Variants in UBE3D observed in about 807,000 individuals in gnomAD.
The protein encoded by UBE3D is E3 ubiquitin-protein ligase E3D.
A neutral mutation model predicts 49.6 loss-of-function variants in UBE3D; 48 were observed. The observed-to-expected ratio is 0.97, with a 90% CI of 0.77 to 1.23. The LOEUF (loss-of-function observed/expected upper bound fraction) is 1.23, where lower values mean the gene tolerates loss of function less well. Ranked by LOEUF, UBE3D falls within the 50% of genes most tolerant of loss-of-function variation. The pLI is 0.00. For missense variants in UBE3D, 452 were observed against 468.4 expected (o/e 0.96, Z 0.32); for synonymous variants, 189 against 174.2 (o/e 1.08, Z -0.67).
At chr6:82,893,160 C>T in intron 9 of UBE3D, 118 bp from the exon 10 acceptor site, 1 of 1,192,452 alleles carries the variant, frequency 8.4e-7, no homozygotes, top group Admixed American at 1.9e-5. Context: ...CTTGTTTAAA[C>T]AGAAAAATGA....
chr6:82,884,607 A>C, the UBE3D span, among the ~76,000 whole-genome samples: 1 of 152,210 alleles, frequency 6.6e-6, no homozygotes, highest in African/African-American at 2.4e-5. Flanking sequence ...AATTCATTTC[A>C]ACAATGTGTT....
chr6:82,898,010 T>G (rs1349840462), intron 9 of UBE3D, among the ~76,000 whole-genome samples: 1 of 152,130 alleles, frequency 6.6e-6, no homozygotes, highest in African/African-American at 2.4e-5. Flanking sequence ...CATCAAAAAG[T>G]GGGCGAAGGA....
chr6:82,885,117 C>T, the UBE3D span, among the ~76,000 whole-genome samples: 1 of 151,452 alleles, frequency 6.6e-6, no homozygotes, highest in East Asian at 1.9e-4. Context: ...CTATGTATTC[C>T]GTTGTATCTT....
chr6:82,977,606 G>A (rs1219935791), intron 8 of UBE3D, among the ~76,000 whole-genome samples: 3 of 152,154 alleles, frequency 2.0e-5, no homozygotes, highest in African/African-American at 7.2e-5. Context: ...GGGAGGCCGA[G>A]GCAGGTGCAT....
At chr6:82,955,742 C>T (rs540850097) in intron 9 of UBE3D, among the ~76,000 whole-genome samples, 2 of 152,328 alleles carry the variant, frequency 1.3e-5, no homozygotes, top group East Asian at 3.9e-4. Context: ...ACTCCACCCC[C>T]AGGACCTTAG....
rs889218028 is a variant in UBE3D at position 82,957,617 on chromosome 6, G to T, written c.1011-167C>A. On this transcript the variant is annotated intron_variant, in intron 8 of 9. Transcript: ENST00000369747. The stretch of plus-strand genomic sequence containing the variant: ...AGAACATGTCCAAGACGTTTTTATG[G>T]TGTTGTTGATATAAAGCAGATGGAT... Among the ~76,000 whole-genome samples, 13 of 152,300 alleles carry T rather than the reference G, an allele frequency of 8.5e-5. No homozygotes were observed. In the East Asian group the frequency reaches 1.7e-3, roughly 20 times the overall value.
At chr6:83,016,436 G>C (rs1423292705) in intron 8 of UBE3D, among the ~76,000 whole-genome samples, 2 of 151,974 alleles carry the variant, frequency 1.3e-5, no homozygotes, top group African/African-American at 2.4e-5. Context: ...ATCAGAAGTA[G>C]AGTCCTTAGC....
At chr6:83,044,345 A>G in intron 4 of UBE3D, 83 bp downstream of exon 4, 1 of 1,341,868 alleles carries the variant, frequency 7.5e-7, no homozygotes, top group Non-Finnish European at 1.0e-6. Context: ...TCTATGTAAC[A>G]AGCCCTTAAT....
intron 1 of UBE3D, among the ~76,000 whole-genome samples, chr6:83,059,219 AAAAAAAT>A (rs1784009220): frequency 6.6e-6 from 1 of 152,026 alleles, no homozygotes; most frequent in South Asian, 2.1e-4. Context: ...CTGGCTCTAC[AAAAAAAT>A]AAAAAATAAA....
chr6:82,987,900 A>C (rs1304600210), intron 8 of UBE3D, among the ~76,000 whole-genome samples: 4 of 152,252 alleles, frequency 2.6e-5, no homozygotes, highest in African/African-American at 9.6e-5. Flanking sequence ...AAAACGAATG[A>C]ATAAATGACA....
In UBE3D at chr6:83,034,945, G is replaced by A. The variant is rs187315849; in HGVS notation, c.667+3471C>T. ...TGCCTGTAATCCCAGCACTTGGAAG[G>A]CTGAGGCAGGAGGATCACTTGAGTC... On this transcript the variant is annotated intron_variant, in intron 5 of 9. Coordinates refer to ENST00000369747, the MANE Select transcript of UBE3D (RefSeq NM_198920.3). 5.7e-4 allele frequency among the ~76,000 whole-genome samples: 87 copies of A among 152,200 alleles called. No homozygotes were observed. In the East Asian group the frequency reaches 0.015, roughly 27 times the overall value.
Position 82,920,714 on chromosome 6 carries a change from T to G in UBE3D, c.1150-27672A>C, listed in dbSNP as rs189988716. ...ATCAACCCAAAATGTTAGCCACTGC[T>G]ACTTTTTCACTTATTTCCTTTCTCT... is the stretch of plus-strand genomic sequence containing the variant. On this transcript the variant is annotated intron_variant, in intron 9 of 9. Transcript: ENST00000369747. Among the ~76,000 whole-genome samples the G allele has an allele frequency of 3.4e-3, 513 of 152,346 alleles. 9 individuals are homozygous for G. The highest frequency in any genetic ancestry group is 6.6e-4 in the Non-Finnish European group (45 of 68,022).
chr6:82,927,344 A>G (rs991133064), intron 9 of UBE3D, among the ~76,000 whole-genome samples: 2 of 150,976 alleles, frequency 1.3e-5, no homozygotes, highest in Non-Finnish European at 3.0e-5. Flanking sequence ...TAGTTGGGGT[A>G]TTTTGCCTCT....
chr6:83,026,184 A>G (rs1010605324), intron 5 of UBE3D, among the ~76,000 whole-genome samples: 1 of 152,050 alleles, frequency 6.6e-6, no homozygotes, highest in African/African-American at 2.4e-5. Context: ...ACAGTGGCTC[A>G]TACTTAATCC....
intron 9 of UBE3D, among the ~76,000 whole-genome samples, chr6:82,919,890 C>G (rs990558108): frequency 6.6e-6 from 1 of 152,128 alleles, no homozygotes; most frequent in Non-Finnish European, 1.5e-5. Flanking sequence ...GTGGTTTCGA[C>G]ATCTATCCCA....
At chr6:82,981,596 C>T (rs1278451158) in intron 8 of UBE3D, among the ~76,000 whole-genome samples, 1 of 151,930 alleles carries the variant, frequency 6.6e-6, no homozygotes, top group Non-Finnish European at 1.5e-5. Context: ...CTGTACTGAA[C>T]TCCTAGTACT....
chr6:82,912,936 T>G (rs1256909174), intron 9 of UBE3D, among the ~76,000 whole-genome samples: 1 of 152,190 alleles, frequency 6.6e-6, no homozygotes. Flanking sequence ...TCATACATGG[T>G]ATTCACCTGC....
chr6:82,939,235 C>G (rs1375094954), intron 9 of UBE3D, among the ~76,000 whole-genome samples: 1 of 152,178 alleles, frequency 6.6e-6, no homozygotes, highest in Non-Finnish European at 1.5e-5. Flanking sequence ...AGGCCTTGCC[C>G]CTAGGCCTTC....
At chr6:82,932,236 T>A (rs1480709380) in intron 9 of UBE3D, among the ~76,000 whole-genome samples, 1 of 152,184 alleles carries the variant, frequency 6.6e-6, no homozygotes, top group Non-Finnish European at 1.5e-5. Flanking sequence ...ATACATATGA[T>A]GACACATATC....
Sources: allele counts gnomAD v4.1 joint callset (sites outside exome capture counted in the v4.1 genomes callset), GRCh38; gene constraint gnomAD v4.1.1; transcripts MANE v1.5; gene names NCBI Gene and HGNC (gene_info 2026-07-23, HGNC 2026-07-21).